The following TSHZ3 variants were observed in gnomAD, a reference collection of about 807,000 sequenced individuals.
TSHZ3 encodes the protein teashirt zinc finger homeobox 3, also known as teashirt homolog 3.
In TSHZ3, 10 loss-of-function variants were observed where a neutral mutation model predicts 64.5. That is an observed-to-expected ratio of 0.16 (90% CI 0.10 to 0.26). The LOEUF is 0.26. Among genes scored for constraint, TSHZ3 ranks in the 10% least tolerant of loss-of-function variants. TSHZ3 has a pLI of 1.00. For synonymous variants in TSHZ3, 608 were observed against 593.1 expected (o/e 1.03, Z -0.36); for missense variants, 1,242 against 1,421.7 (o/e 0.87, Z 2.03).
chr19:31,329,685 T>C (rs1421456627), intron 1 of TSHZ3, among the ~76,000 whole-genome samples: 1 of 152,228 alleles, frequency 6.6e-6, no homozygotes, highest in African/African-American at 2.4e-5. Flanking sequence ...GCATTATTTA[T>C]GGTGTCAAAG....
At chr19:31,294,018 G>C (rs1212795190) in intron 1 of TSHZ3, among the ~76,000 whole-genome samples, 1 of 152,142 alleles carries the variant, frequency 6.6e-6, no homozygotes, top group East Asian at 1.9e-4. Flanking sequence ...TCACAGAACA[G>C]AGACACTCCA....
chr19:31,245,531 G>T lies in TSHZ3; in HGVS notation n.64-2656C>A, dbSNP rs565297505. Among the ~76,000 whole-genome samples, 9 of 152,274 alleles carry T rather than the reference G, an allele frequency of 5.9e-5. No individual in the cohort carries two copies. In the East Asian group the frequency reaches 9.6e-4, roughly 16 times the overall value. On this transcript the variant is annotated intron_variant and non_coding_transcript_variant, in intron 1 of 6. Coordinates refer to the TSHZ3 transcript ENST00000651361. ...AACAACACAAAATCTCACGCAGAAG[G>T]TTCTTCTGCCTGGTAACAGAATGCT...
intron 1 of TSHZ3, among the ~76,000 whole-genome samples, chr19:31,330,380 C>T (rs570315763): frequency 3.3e-5 from 5 of 152,286 alleles, no homozygotes; most frequent in South Asian, 2.1e-4. Flanking sequence ...GCACAGGCCT[C>T]GGGAGGTGGC....
At chr19:31,150,145 C>T (rs1173159292) in exon 7 of TSHZ3, among the ~76,000 whole-genome samples, 1 of 152,034 alleles carries the variant, frequency 6.6e-6, no homozygotes, top group Non-Finnish European at 1.5e-5. Flanking sequence ...ATTTTTTTCC[C>T]CTTCTTTTGT....
At chr19:31,237,023 C>T (rs955480228) in intron 3 of TSHZ3, among the ~76,000 whole-genome samples, 2 of 150,280 alleles carry the variant, frequency 1.3e-5, no homozygotes, top group Non-Finnish European at 2.9e-5. Flanking sequence ...GTGGCACATG[C>T]CTCTAATCCC....
intron 3 of TSHZ3, among the ~76,000 whole-genome samples, chr19:31,238,464 C>T (rs1296683689): frequency 2.6e-5 from 4 of 152,100 alleles, no homozygotes; most frequent in Non-Finnish European, 4.4e-5. Context: ...CCATGTTGGC[C>T]AGGCTGGTCT....
chr19:31,309,996 C>T (rs141227685), intron 1 of TSHZ3, among the ~76,000 whole-genome samples: 55 of 152,328 alleles, frequency 3.6e-4, no homozygotes, highest in African/African-American at 1.3e-3. Context: ...AACATCTGCT[C>T]AAATTGTTTC....
chr19:31,177,443 T>A (rs562667093), intron 5 of TSHZ3, among the ~76,000 whole-genome samples: 29 of 152,352 alleles, frequency 1.9e-4, no homozygotes, highest in Admixed American at 8.5e-4. Flanking sequence ...GCCTCGGGGC[T>A]GCTGGCCGTC....
chr19:31,268,770 G>C (rs1383854763), intron 1 of TSHZ3, among the ~76,000 whole-genome samples: 1 of 152,152 alleles, frequency 6.6e-6, no homozygotes, highest in Non-Finnish European at 1.5e-5. Context: ...ATATAAGGAA[G>C]GACCTCCTGT....
chr19:31,232,911 A>G (rs1975559905), intron 3 of TSHZ3, among the ~76,000 whole-genome samples: 1 of 152,146 alleles, frequency 6.6e-6, no homozygotes. Context: ...GTTCCTTTTT[A>G]TGGCTGAGTA....
rs761569804 is a variant in TSHZ3 at position 31,276,574 on chromosome 19, C to A, written c.3219G>T (p.Leu1073=). ...THGKSPEDHL[L]YVSELEKQ ...ACTGCTTCTCTAACTCAGAGACATA[C>A]AGAAGGTGGTCTTCCGGAGATTTCC... The change falls in exon 2 of 2, where the codon CTG becomes CTT. Residue 1073 remains leucine (L), a synonymous_variant. Transcript: ENST00000240587. 5 of 1,575,836 alleles carry A rather than the reference C, an allele frequency of 3.2e-6. No individual in the cohort carries two copies. The highest frequency in any genetic ancestry group is 1.7e-4 in the Middle Eastern group (1 of 5,888).
chr19:31,231,646 T>C (rs1011130568), intron 3 of TSHZ3, among the ~76,000 whole-genome samples: 1 of 152,228 alleles, frequency 6.6e-6, no homozygotes, highest in Non-Finnish European at 1.5e-5. Flanking sequence ...TGCCTGTAAA[T>C]CTTCCCAGCA....
At chr19:31,325,357 A>G (rs1916903173) in intron 1 of TSHZ3, among the ~76,000 whole-genome samples, 1 of 152,146 alleles carries the variant, frequency 6.6e-6, no homozygotes, top group Non-Finnish European at 1.5e-5. Context: ...GATCCTATGA[A>G]TTTACCTATT....
intron 1 of TSHZ3, among the ~76,000 whole-genome samples, chr19:31,313,009 T>G (rs1166565155): frequency 7.4e-6 from 1 of 134,844 alleles, no homozygotes; most frequent in Non-Finnish European, 1.7e-5. Context: ...AAAAATAAAT[T>G]TATTTGAGTT....
intron 1 of TSHZ3, among the ~76,000 whole-genome samples, chr19:31,266,872 G>A (rs573629178): frequency 1.2e-4 from 18 of 152,274 alleles, no homozygotes; most frequent in African/African-American, 3.6e-4. Flanking sequence ...TGTGGTTTCC[G>A]CCAAGGAGAG....
chr19:31,223,299 G>A (rs1295617181), intron 4 of TSHZ3, among the ~76,000 whole-genome samples: 2 of 151,876 alleles, frequency 1.3e-5, no homozygotes, highest in Non-Finnish European at 2.9e-5. Flanking sequence ...TATTTGTGGG[G>A]CCTCATGTGT....
At chr19:31,185,639 T>C (rs948146683) in intron 5 of TSHZ3, among the ~76,000 whole-genome samples, 2 of 152,198 alleles carry the variant, frequency 1.3e-5, no homozygotes, top group African/African-American at 4.8e-5. Flanking sequence ...TCCCTAATCT[T>C]GTCTTCCCCA....
Position 31,277,365 on chromosome 19 carries a change from G to A in TSHZ3, c.2428C>T (p.Pro810Ser). 1 of 1,614,160 alleles carries A rather than the reference G, an allele frequency of 6.2e-7. No individual in the cohort carries two copies. Among genetic ancestry groups the A allele is most frequent in the Non-Finnish European group, 8.5e-7 (1 of 1,179,974 alleles). ...GCSLGSVLLS[P>S]TSTAPATSSS... ...GAGGTTGCCGGGGCTGTGGACGTGGGTGACAGAAGCACTGAACCCAAGGAG... is the reference window on the plus strand; with the variant it reads ...GAGGTTGCCGGGGCTGTGGACGTGGATGACAGAAGCACTGAACCCAAGGAG... The change falls in exon 2 of 2, where the codon CCC becomes TCC. Residue 810 changes from proline to serine, a missense_variant. Pro to Ser is a moderately conservative substitution (Grantham distance 74). Transcript: ENST00000240587. The surrounding 1 kb of genome is among the most constrained non-coding windows in gnomAD (Gnocchi z 4.5).
chr19:31,175,010 C>A (rs190950090), intron 5 of TSHZ3, among the ~76,000 whole-genome samples: 2 of 152,222 alleles, frequency 1.3e-5, no homozygotes, highest in Admixed American at 1.3e-4. Context: ...AATCAAAGCC[C>A]AAACAGGGCG....
Sources: gnomAD v4.1 joint callset for allele counts (sites outside exome capture counted in the v4.1 genomes callset) on GRCh38, gnomAD v4.1.1 for gene constraint, Gnocchi (gnomAD v3.1) non-coding constraint, MANE v1.5 for transcripts, NCBI Gene and HGNC (gene_info 2026-07-23, HGNC 2026-07-21) for gene names.